The following ARID1B variants were observed in gnomAD, a reference collection of about 807,000 sequenced individuals.
The protein encoded by ARID1B is AT-rich interactive domain-containing protein 1B.
Under a neutral mutation model 212.3 loss-of-function variants are expected in ARID1B, and 30 were observed. That is an observed-to-expected ratio of 0.14 (90% CI 0.11 to 0.19). The LOEUF is 0.19. Among genes scored for constraint, ARID1B ranks in the 10% least tolerant of loss-of-function variants. The pLI is 1.00. For synonymous variants in ARID1B, 1,402 were observed against 1,301.7 expected, an observed-to-expected ratio of 1.08 and a Z score of -1.66; for missense variants, 2,891 against 3,204.0, an observed-to-expected ratio of 0.90 and a Z score of 2.36.
At chr6:157,038,129 A>G (rs1312460321) in intron 4 of ARID1B, among the ~76,000 whole-genome samples, 1 of 152,170 alleles carries the variant, frequency 6.6e-6, no homozygotes. Context: ...TTAAATTTTG[A>G]GTAAATTAGG....
At chr6:156,995,166 G>A (rs1778515321) in intron 4 of ARID1B, among the ~76,000 whole-genome samples, 1 of 152,224 alleles carries the variant, frequency 6.6e-6, no homozygotes, top group African/African-American at 2.4e-5. Context: ...AGGACTCCAG[G>A]TGTACCTGAA....
chr6:157,196,470 G>T (rs1435950170), intron 16 of ARID1B, among the ~76,000 whole-genome samples, 155 bp downstream of exon 16: 1 of 152,186 alleles, frequency 6.6e-6, no homozygotes, highest in Non-Finnish European at 1.5e-5. Context: ...TGGTCACCAG[G>T]TGAGTGTCAG....
At chr6:156,795,062 G>A (rs537269) in intron 1 of ARID1B, among the ~76,000 whole-genome samples, 151,046 of 152,294 alleles carry the variant, frequency 0.99, 74,910 homozygotes, top group East Asian at 1. Context: ...TATCTGGGTC[G>A]TTGCTCCCTA....
chr6:157,006,913 G>T (rs12204852), intron 4 of ARID1B, among the ~76,000 whole-genome samples: 48,225 of 152,102 alleles, frequency 0.32, 7,817 homozygotes, highest in African/African-American at 0.34. Flanking sequence ...TTATCAGTTT[G>T]CTAAAGAAAA....
At chr6:156,972,128 G>A (rs1296370058) in intron 4 of ARID1B, among the ~76,000 whole-genome samples, 1 of 152,152 alleles carries the variant, frequency 6.6e-6, no homozygotes, top group East Asian at 1.9e-4. Flanking sequence ...GGTTAAAATA[G>A]TTCTTTTTAT....
intron 16 of ARID1B, 137 bp downstream of exon 16, chr6:157,196,452 A>AT (rs1235776689): frequency 8.7e-7 from 1 of 1,143,012 alleles, no homozygotes; most frequent in Non-Finnish European, 1.2e-6. Flanking sequence ...TAAAGAGGCA[A>AT]TGGCTGCTGG....
chr6:157,041,821 C>G (rs762547012), intron 4 of ARID1B, among the ~76,000 whole-genome samples: 2 of 152,122 alleles, frequency 1.3e-5, no homozygotes, highest in African/African-American at 2.4e-5. Context: ...TCAGTCTTTA[C>G]TCCCCATCTT....
chr6:156,891,442 A>G (rs1285441606), intron 2 of ARID1B, among the ~76,000 whole-genome samples: 1 of 152,254 alleles, frequency 6.6e-6, no homozygotes, highest in African/African-American at 2.4e-5. Flanking sequence ...AGCAGTAAAT[A>G]ATCCTAAATA....
intron 7 of ARID1B, among the ~76,000 whole-genome samples, chr6:157,139,559 G>A (rs1789188420): frequency 6.6e-6 from 1 of 152,104 alleles, no homozygotes; most frequent in African/African-American, 2.4e-5. Context: ...GTGCACAGCA[G>A]CTGAGCCTGG....
chr6:157,021,477 C>T (rs376611067), intron 4 of ARID1B, among the ~76,000 whole-genome samples: 2 of 152,184 alleles, frequency 1.3e-5, no homozygotes, highest in South Asian at 2.1e-4. Flanking sequence ...AGGCCCCGCT[C>T]GCTCCTTTCG....
intron 4 of ARID1B, chr6:156,938,970 G>A (rs1582991401): frequency 6.6e-6 from 1 of 152,118 alleles, no homozygotes; most frequent in Admixed American, 6.5e-5. Flanking sequence ...TTGTTCTCTC[G>A]TTATCTTGGA....
At chr6:156,904,812 C>G (rs554342720) in intron 3 of ARID1B, among the ~76,000 whole-genome samples, 4 of 152,344 alleles carry the variant, frequency 2.6e-5, no homozygotes, top group Non-Finnish European at 5.9e-5. Flanking sequence ...TTGTTTCAGT[C>G]ACACAAGTAT....
intron 3 of ARID1B, among the ~76,000 whole-genome samples, chr6:156,925,113 A>C (rs1216820520): frequency 1.3e-5 from 2 of 152,132 alleles, no homozygotes; most frequent in Non-Finnish European, 2.9e-5. Flanking sequence ...CTTGCTTCTT[A>C]AGCTTAGGGG....
intron 5 of ARID1B, among the ~76,000 whole-genome samples, chr6:157,109,490 G>C (rs143360379): frequency 6.6e-6 from 1 of 152,136 alleles, no homozygotes; most frequent in African/African-American, 2.4e-5. Context: ...AGATAAAATA[G>C]CATGGTCCTC....
intron 2 of ARID1B, among the ~76,000 whole-genome samples, chr6:156,897,215 G>GCTGCTGCTT (rs1788500814): frequency 3.9e-5 from 3 of 76,206 alleles, no homozygotes; most frequent in African/African-American, 7.6e-5. Flanking sequence ...TGCTGCTGCT[G>GCTGCTGCTT]CTGCTTCTTC....
At chr6:157,135,421 A>G (rs1788841625) in intron 7 of ARID1B, among the ~76,000 whole-genome samples, 1 of 152,180 alleles carries the variant, frequency 6.6e-6, no homozygotes, top group Non-Finnish European at 1.5e-5. Flanking sequence ...GGTTAATAGT[A>G]GAAACGATCT....
Position 157,206,319 on chromosome 6 carries a change from C to A in ARID1B, c.5547C>A (p.Asp1849Glu), listed in dbSNP as rs189662115. 1 of 1,614,066 alleles carries A rather than the reference C, an allele frequency of 6.2e-7. No individual in the cohort carries two copies. The highest frequency in any genetic ancestry group is 8.5e-7 in the Non-Finnish European group (1 of 1,180,030). The stretch of plus-strand genomic sequence containing the variant: ...AGGATGACAGCCAGTCCTTGGCAGA[C>A]GATTCTGGGAAAGAGGAGGAAGATG... Reference protein sequence around the residue: ...ARKDDSQSLADDSGKEEEDAE... With the variant: ...ARKDDSQSLAEDSGKEEEDAE... Residue 1849 changes from aspartate to glutamate, a missense_variant, in exon 20 of 20, where the codon GAC becomes GAA. Around this residue, in one of 7 missense-constraint regions of ARID1B, gnomAD observed 332 missense variants for 369.2 expected, o/e 0.90. Transcript: ENST00000636930. This position sits in a 1 kb window ranked among gnomAD's most constrained non-coding sequence, Gnocchi z 6.8.
At chr6:156,916,194 T>A (rs1790341044) in intron 3 of ARID1B, among the ~76,000 whole-genome samples, 1 of 151,940 alleles carries the variant, frequency 6.6e-6, no homozygotes, top group Non-Finnish European at 1.5e-5. Flanking sequence ...ACATTGGTAA[T>A]TTTTTTTGAT....
intron 4 of ARID1B, among the ~76,000 whole-genome samples, chr6:157,080,670 A>G (rs1784582846): frequency 6.6e-6 from 1 of 152,186 alleles, no homozygotes; most frequent in Admixed American, 6.5e-5. Context: ...TCAAAGTCTG[A>G]TAAGATTGTT....
Sources: allele counts gnomAD v4.1 joint callset (sites outside exome capture counted in the v4.1 genomes callset), GRCh38; gene constraint gnomAD v4.1.1; regional missense constraint gnomAD v4.1.1; non-coding constraint Gnocchi (gnomAD v3.1); transcripts MANE v1.5; gene names NCBI Gene and HGNC (gene_info 2026-07-23, HGNC 2026-07-21).